Variants in EXOC4 observed in about 807,000 individuals in gnomAD.
The protein encoded by EXOC4 is SEC8-like 1.
In EXOC4, 71 loss-of-function variants were observed where a neutral mutation model predicts 107.2. That is an observed-to-expected ratio of 0.66 (90% CI 0.55 to 0.81). The LOEUF is 0.81. Ranked by LOEUF, EXOC4 falls within the 30% of genes least tolerant of loss-of-function variation. The probability of loss-of-function intolerance (pLI) is 0.00; values close to 1 mark genes in which losing one functional copy is unlikely to be tolerated. For missense variants in EXOC4, 1,108 were observed against 1,189.6 expected (o/e 0.93, Z 1.01); for synonymous variants, 456 against 441.2 (o/e 1.03, Z -0.42).
chr7:133,275,816 C>CT lies in EXOC4; in HGVS notation c.276+659dup, dbSNP rs752074940. On this transcript the variant is annotated intron_variant, in intron 2 of 17. Transcript: ENST00000253861. Reference sequence around the variant, plus strand: ...AAATGTTTATGAGAACAATTTTTTTCTTTTTTTTTTTTTTAGAGTTGGAGC... The same window carrying CT: ...AAATGTTTATGAGAACAATTTTTTTCTTTTTTTTTTTTTTTAGAGTTGGAGC... Among the ~76,000 whole-genome samples, 1,127 of 139,666 alleles carry CT rather than the reference C, an allele frequency of 8.1e-3. 10 individuals carry two copies. Among genetic ancestry groups the CT allele is most frequent in the African/African-American group, 0.024 (918 of 38,340 alleles). The allele number at this position is 139,666 out of a possible 152,430, so 91.6% of individuals were successfully genotyped here.
chr7:133,457,263 T>C (rs1798484835), intron 7 of EXOC4, among the ~76,000 whole-genome samples: 1 of 152,136 alleles, frequency 6.6e-6, no homozygotes, highest in African/African-American at 2.4e-5. Context: ...CCGTGGTGTA[T>C]GTTGTGGTGG....
chr7:134,002,627 C>CA (rs1007447172), intron 15 of EXOC4, among the ~76,000 whole-genome samples: 1 of 151,960 alleles, frequency 6.6e-6, no homozygotes, highest in Non-Finnish European at 1.5e-5. Context: ...AATAAGAAAA[C>CA]AAAAAACCCA....
intron 10 of EXOC4, among the ~76,000 whole-genome samples, chr7:133,762,228 A>G (rs761856373): frequency 6.6e-6 from 1 of 152,144 alleles, no homozygotes; most frequent in Non-Finnish European, 1.5e-5. Flanking sequence ...AGGCTAAGCT[A>G]TTAGGTTTGA....
At chr7:133,821,471 A>C (rs1410898110) in intron 11 of EXOC4, among the ~76,000 whole-genome samples, 1 of 152,208 alleles carries the variant, frequency 6.6e-6, no homozygotes, top group Non-Finnish European at 1.5e-5. Flanking sequence ...TTTAGGAGTG[A>C]GCATTTAGAC....
intron 7 of EXOC4, among the ~76,000 whole-genome samples, chr7:133,401,466 G>T (rs1283416912): frequency 6.6e-6 from 1 of 151,844 alleles, no homozygotes; most frequent in Admixed American, 6.6e-5. Context: ...TTCAAGACCA[G>T]CCTGTGCAAT....
intron 14 of EXOC4, 116 bp downstream of exon 14, chr7:133,938,185 G>A (rs1310070114): frequency 2.1e-6 from 2 of 973,020 alleles, no homozygotes; most frequent in South Asian, 3.4e-5. Context: ...CAAGCTGTCA[G>A]AAGATCCTGG....
At chr7:133,731,068 A>T (rs1008684569) in intron 10 of EXOC4, among the ~76,000 whole-genome samples, 4 of 152,204 alleles carry the variant, frequency 2.6e-5, no homozygotes, top group Middle Eastern at 3.2e-3. Flanking sequence ...AGCATATTTC[A>T]CAGAGATTTT....
chr7:133,273,844 T>C (rs1278410718), intron 1 of EXOC4, among the ~76,000 whole-genome samples: 1 of 152,130 alleles, frequency 6.6e-6, no homozygotes, highest in East Asian at 1.9e-4. Context: ...GCATCCATCA[T>C]TGAGAACCTA....
intron 14 of EXOC4, among the ~76,000 whole-genome samples, chr7:133,958,335 C>T (rs1327813185): frequency 6.6e-6 from 1 of 151,708 alleles, no homozygotes; most frequent in African/African-American, 2.4e-5. Context: ...AGTACTGGGA[C>T]GTTCCTCTCT....
At chr7:133,971,359 T>G (rs7779693) in intron 14 of EXOC4, among the ~76,000 whole-genome samples, 2,011 of 96,166 alleles carry the variant, frequency 0.021, 25 homozygotes, top group Non-Finnish European at 0.028. Flanking sequence ...TATATATATA[T>G]ATAGAGAGAG....
intron 10 of EXOC4, among the ~76,000 whole-genome samples, chr7:133,812,952 G>A (rs901806551): frequency 3.3e-5 from 5 of 151,928 alleles, no homozygotes; most frequent in African/African-American, 1.2e-4. Flanking sequence ...AAACACTAAG[G>A]GACTGGCGAA....
chr7:133,439,851 G>C (rs1046940686), intron 7 of EXOC4, among the ~76,000 whole-genome samples: 19 of 152,152 alleles, frequency 1.2e-4, no homozygotes, highest in African/African-American at 4.6e-4. Flanking sequence ...ATTGTGTAAT[G>C]TGTAGAGATT....
At chr7:134,051,746 A>G (rs1026008353) in intron 17 of EXOC4, among the ~76,000 whole-genome samples, 27 of 149,838 alleles carry the variant, frequency 1.8e-4, no homozygotes, top group Non-Finnish European at 3.1e-4. Flanking sequence ...AGCACTTTGG[A>G]AGGCCAAGGC....
At chr7:133,505,518 A>G (rs1799650258) in intron 9 of EXOC4, among the ~76,000 whole-genome samples, 1 of 152,126 alleles carries the variant, frequency 6.6e-6, no homozygotes, top group Admixed American at 6.6e-5. Flanking sequence ...ATTTTGTTTT[A>G]ATGACATGAA....
chr7:133,347,976 C>CTT, intron 5 of EXOC4, among the ~76,000 whole-genome samples: 1 of 152,210 alleles, frequency 6.6e-6, no homozygotes, highest in East Asian at 1.9e-4. Flanking sequence ...GTTCTAAAAC[C>CTT]TACACGTTGA....
Position 133,971,353 on chromosome 7 carries a change from TATATATATAGAG to T in EXOC4, c.2207-26137_2207-26126del, listed in dbSNP as rs1417875306. Among the ~76,000 whole-genome samples, 50 of 102,302 alleles carry T rather than the reference TATATATATAGAG, an allele frequency of 4.9e-4. No homozygotes were observed. In the Middle Eastern group the frequency reaches 0.017, roughly 36 times the overall value. The allele number at this position is 102,302 out of a possible 152,430, so 67.1% of individuals were successfully genotyped here. ...AAATGTGTATATATATATATATATA[TATATATATAGAG>T]AGAGAGAGAGAGAGAGAGAGAGAGA... On this transcript the variant is annotated intron_variant, in intron 14 of 17. Transcript: ENST00000253861.
At chr7:133,552,612 T>A (rs1329683541) in intron 9 of EXOC4, among the ~76,000 whole-genome samples, 3 of 152,098 alleles carry the variant, frequency 2.0e-5, no homozygotes, top group Middle Eastern at 3.2e-3. Flanking sequence ...CTCTGTTTGC[T>A]GAAACTCAGT....
intron 14 of EXOC4, among the ~76,000 whole-genome samples, chr7:133,976,936 A>C (rs528890232): frequency 1.3e-5 from 2 of 152,358 alleles, no homozygotes; most frequent in South Asian, 4.1e-4. Context: ...CTGATGAATG[A>C]GCCTTAGAAC....
Position 133,408,471 on chromosome 7 carries a change from A to G in EXOC4, c.1182+33469A>G, listed in dbSNP as rs965535102. 3.3e-5 allele frequency among the ~76,000 whole-genome samples: 5 copies of G among 151,020 alleles called. No homozygotes were observed. In the East Asian group the frequency reaches 9.8e-4, roughly 30 times the overall value. On this transcript the variant is annotated intron_variant, in intron 7 of 17. Coordinates refer to ENST00000253861, the MANE Select transcript of EXOC4 (RefSeq NM_021807.4). ...GATGGTAGAGATGATGGTGATGATG[A>G]TGATGGAGGTCACAGTAGGGTGGTA...
Sources: gnomAD v4.1 joint callset for allele counts (sites outside exome capture counted in the v4.1 genomes callset) on GRCh38, gnomAD v4.1.1 for gene constraint, MANE v1.5 for transcripts, NCBI Gene and HGNC (gene_info 2026-07-23, HGNC 2026-07-21) for gene names.